RIMBP2: variants seen among roughly 807,000 people sequenced by gnomAD.
RIMBP2 encodes RIMS binding protein 2, also known as RIMS-binding protein 2.
In RIMBP2, 48 loss-of-function variants were observed where a neutral mutation model predicts 118.6. The ratio of observed to expected loss-of-function variants is 0.40; its 90% CI spans 0.32 to 0.51. The LOEUF (loss-of-function observed/expected upper bound fraction) is 0.51, where lower values mean the gene tolerates loss of function less well. Among genes scored for constraint, RIMBP2 ranks in the 20% least tolerant of loss-of-function variants. The pLI, the probability that RIMBP2 is intolerant of heterozygous loss-of-function variation, is 0.41. For synonymous variants in RIMBP2, 762 were observed against 742.9 expected, an observed-to-expected ratio of 1.03 and a Z score of -0.42; for missense variants, 1,551 against 1,768.3, an observed-to-expected ratio of 0.88 and a Z score of 2.20.
chr12:130,563,253 A>G (rs1251029052), intron 2 of RIMBP2, among the ~76,000 whole-genome samples: 1 of 152,220 alleles, frequency 6.6e-6, no homozygotes, highest in African/African-American at 2.4e-5. Context: ...TAAATGAATT[A>G]CCAGACACTT....
intron 2 of RIMBP2, among the ~76,000 whole-genome samples, chr12:130,612,234 C>T (rs1411701107): frequency 6.6e-6 from 1 of 152,150 alleles, no homozygotes; most frequent in Admixed American, 6.5e-5. Context: ...CCTGTTCGCT[C>T]CTCAGCCTCA....
At chr12:130,549,680 G>A (rs10744466) in intron 2 of RIMBP2, among the ~76,000 whole-genome samples, 78,972 of 151,952 alleles carry the variant, frequency 0.52, 21,059 homozygotes, top group Admixed American at 0.61. Flanking sequence ...TCCACAAAAG[G>A]CATAATCTCA....
Position 130,418,967 on chromosome 12 carries a change from G to A in RIMBP2, c.3238+3486C>T, listed in dbSNP as rs574083071. 3.3e-5 allele frequency among the ~76,000 whole-genome samples: 5 copies of A among 152,308 alleles called. No homozygotes were observed. In the South Asian group the frequency reaches 1.0e-3, roughly 32 times the overall value. On this transcript the variant is annotated intron_variant, in intron 17 of 22. Coordinates refer to ENST00000690449, the MANE Select transcript of RIMBP2 (RefSeq NM_001393629.1). ...TGCCCACAATGTCACGTTGTTTTGG[G>A]GGGAAGACAGGTGTGGGGTAGAGGT...
chr12:130,618,426 A>C (rs927729699), intron 2 of RIMBP2, among the ~76,000 whole-genome samples: 19 of 152,244 alleles, frequency 1.2e-4, no homozygotes, highest in Non-Finnish European at 2.6e-4. Context: ...CCCACAGCGG[A>C]TCCTACTGGC....
At chr12:130,423,171 A>G (rs1258839872) in intron 16 of RIMBP2, among the ~76,000 whole-genome samples, 1 of 152,250 alleles carries the variant, frequency 6.6e-6, no homozygotes, top group African/African-American at 2.4e-5. Context: ...GTTAGGATTG[A>G]CTAAAGACAA....
intron 12 of RIMBP2, 30 bp downstream of exon 12, chr12:130,438,335 A>AGCCACC: frequency 1.3e-5 from 11 of 864,998 alleles, no homozygotes; most frequent in Non-Finnish European, 1.7e-5. Context: ...GGCCTAACAA[A>AGCCACC]CCCTCCCCAC....
At chr12:130,711,398 G>A (rs1949907588) in intron 1 of RIMBP2, among the ~76,000 whole-genome samples, 1 of 152,112 alleles carries the variant, frequency 6.6e-6, no homozygotes, top group Admixed American at 6.5e-5. Context: ...ACTAATACTT[G>A]ACTTAGAATG....
intron 1 of RIMBP2, among the ~76,000 whole-genome samples, chr12:130,692,871 T>TAGGGG (rs2065383373): frequency 2.3e-5 from 3 of 131,240 alleles, no homozygotes; most frequent in South Asian, 2.4e-4. Context: ...TAGGGTAGGG[T>TAGGGG]AGGGTAGGGT....
chr12:130,657,316 T>C (rs531650811), intron 1 of RIMBP2, among the ~76,000 whole-genome samples: 1 of 152,320 alleles, frequency 6.6e-6, no homozygotes, highest in South Asian at 2.1e-4. Context: ...TCACAGGTAC[T>C]GGGAGTTAGG....
chr12:130,400,915 G>A (rs2074476885), intron 21 of RIMBP2, among the ~76,000 whole-genome samples: 1 of 152,034 alleles, frequency 6.6e-6, no homozygotes, highest in African/African-American at 2.4e-5. Flanking sequence ...AAACAAAATG[G>A]AAAAAACAGG....
intron 4 of RIMBP2, among the ~76,000 whole-genome samples, chr12:130,490,539 T>C (rs567621539): frequency 1.1e-3 from 162 of 152,192 alleles, no homozygotes; most frequent in South Asian, 7.5e-3. Context: ...TAAATCGGGG[T>C]ACAGGGAGAT....
chr12:130,444,904 C>CA (rs1416481699), intron 10 of RIMBP2, among the ~76,000 whole-genome samples: 1 of 152,226 alleles, frequency 6.6e-6, no homozygotes, highest in Non-Finnish European at 1.5e-5. Flanking sequence ...AAAAGCTCTG[C>CA]AGAGGTTAGC....
At position 130,422,595 on chromosome 12, in the gene RIMBP2, C is replaced by T. The variant is rs757696411; in HGVS notation, c.3130-34G>A. On this transcript the variant is annotated intron_variant, in intron 16 of 22. Transcript: ENST00000690449. This position sits in a 1 kb window ranked among gnomAD's most constrained non-coding sequence, Gnocchi z 5.2. ...AAAACAACAACAAAGTCGTAAGTCTCGCCAGCATTGGGAACTGAAGAATTC... is the reference window on the plus strand; with the variant it reads ...AAAACAACAACAAAGTCGTAAGTCTTGCCAGCATTGGGAACTGAAGAATTC... The T allele has an allele frequency of 1.3e-5, 19 of 1,467,782 alleles. No homozygotes were observed. Among genetic ancestry groups the T allele is most frequent in the South Asian group, 6.0e-5 (5 of 83,382 alleles). 90.9% of individuals were successfully genotyped at this position (1,467,782 alleles called of 1,614,324 possible). A position where few individuals can be genotyped will look rare whatever the true frequency, so the allele number is the denominator to read the frequency against.
In RIMBP2 at chr12:130,428,145, C is replaced by T. The variant is rs368856666; in HGVS notation, c.2412+34G>A. 5.8e-5 allele frequency: 90 copies of T among 1,548,928 alleles called. No individual in the cohort carries two copies. The Middle Eastern group carries it at 2.1e-3, about 37-fold the overall frequency. On this transcript the variant is annotated intron_variant, in intron 15 of 22. Coordinates refer to ENST00000690449, the MANE Select transcript of RIMBP2 (RefSeq NM_001393629.1). Reference sequence around the variant, plus strand: ...GACGTGGATGGAGCTACTCTGGGGACGGAGTGCAGGGTCCCCCTTCCCCAG... The same window carrying T: ...GACGTGGATGGAGCTACTCTGGGGATGGAGTGCAGGGTCCCCCTTCCCCAG...
intron 1 of RIMBP2, among the ~76,000 whole-genome samples, chr12:130,704,724 G>T (rs377171094): frequency 6.6e-6 from 1 of 152,032 alleles, no homozygotes; most frequent in African/African-American, 2.4e-5. Flanking sequence ...TGCCACCACC[G>T]CCTCCACAGG....
chr12:130,410,406 A>G (rs1267860290), intron 19 of RIMBP2, among the ~76,000 whole-genome samples: 2 of 152,126 alleles, frequency 1.3e-5, no homozygotes, highest in African/African-American at 4.8e-5. Context: ...CCTTTTATGT[A>G]TCATGTTTTA....
intron 2 of RIMBP2, among the ~76,000 whole-genome samples, chr12:130,624,053 A>G (rs1355561088): frequency 1.3e-5 from 2 of 152,202 alleles, no homozygotes; most frequent in Non-Finnish European, 2.9e-5. Flanking sequence ...TTGCTCTAGG[A>G]GAGCCCAGGC....
intron 3 of RIMBP2, among the ~76,000 whole-genome samples, chr12:130,507,625 A>G (rs73152997): frequency 0.077 from 11,783 of 152,298 alleles, 587 homozygotes; most frequent in East Asian, 0.17. Flanking sequence ...CTACAAGCTT[A>G]TTGGGAAGGC....
chr12:130,585,133 T>C (rs2058800243), intron 2 of RIMBP2, among the ~76,000 whole-genome samples: 1 of 152,174 alleles, frequency 6.6e-6, no homozygotes, highest in Non-Finnish European at 1.5e-5. Flanking sequence ...CAAGTGATCC[T>C]CTTGACTTGG....
Sources: gnomAD v4.1 joint callset for allele counts (sites outside exome capture counted in the v4.1 genomes callset) on GRCh38, gnomAD v4.1.1 for gene constraint, Gnocchi (gnomAD v3.1) non-coding constraint, MANE v1.5 for transcripts, NCBI Gene and HGNC (gene_info 2026-07-23, HGNC 2026-07-21) for gene names.